Variants in ZNF512 observed in about 807,000 individuals in gnomAD.
ZNF512 encodes the protein zinc finger protein 512.
Under a neutral mutation model 77.5 loss-of-function variants are expected in ZNF512, and 25 were observed. That is an observed-to-expected ratio of 0.32 (90% CI 0.23 to 0.45). The LOEUF is 0.45. Ranked by LOEUF, ZNF512 falls within the 20% of genes least tolerant of loss-of-function variation. The pLI, the probability that ZNF512 is intolerant of heterozygous loss-of-function variation, is 1.00. For missense variants in ZNF512, 483 were observed against 692.6 expected (o/e 0.70, Z 3.40); for synonymous variants, 246 against 239.9 (o/e 1.03, Z -0.24).
In ZNF512 at chr2:27,621,550, C is replaced by A; in HGVS notation, c.*89C>A. On this transcript the variant is annotated 3_prime_UTR_variant, in exon 14 of 14. Transcript: ENST00000355467. ...TGGGAGGACTGAGTGAAGATTCTTT[C>A]AGCTGTTTGTGTAAGGCTGTGACTT... 7.3e-7 allele frequency: 1 copy of A among 1,362,122 alleles called. No individual in the cohort carries two copies. Among genetic ancestry groups the A allele is most frequent in the Non-Finnish European group, 9.8e-7 (1 of 1,023,532 alleles). The allele number at this position is 1,362,122 out of a possible 1,614,324, so 84.4% of individuals were successfully genotyped here. A position where few individuals can be genotyped will look rare whatever the true frequency, so the allele number is the denominator to read the frequency against.
At chr2:27,618,352 C>T (rs187729422) in intron 13 of ZNF512, among the ~76,000 whole-genome samples, 2 of 152,326 alleles carry the variant, frequency 1.3e-5, no homozygotes, top group East Asian at 3.9e-4. Context: ...TGTCTTCCAG[C>T]AACCCATTTT....
At chr2:27,603,591 T>TATATATATA (rs772409987) in intron 9 of ZNF512, among the ~76,000 whole-genome samples, 1 of 87,214 alleles carries the variant, frequency 1.1e-5, no homozygotes, top group Non-Finnish European at 2.3e-5. Context: ...TGTGTGTATA[T>TATATATATA]TTTTTTTTTT....
At chr2:27,589,238 C>T (rs555360683) in intron 2 of ZNF512, among the ~76,000 whole-genome samples, 170 of 152,102 alleles carry the variant, frequency 1.1e-3, no homozygotes, top group African/African-American at 3.9e-3. Context: ...ACTACATGGG[C>T]CTGTAGTTTT....
intron 5 of ZNF512, among the ~76,000 whole-genome samples, chr2:27,600,446 C>T (rs1405648128): frequency 6.6e-6 from 1 of 152,194 alleles, no homozygotes; most frequent in Non-Finnish European, 1.5e-5. Flanking sequence ...ATTCTTGAAG[C>T]AACTGGGCTT....
chr2:27,618,454 T>C (rs761008034), intron 13 of ZNF512, among the ~76,000 whole-genome samples: 3 of 152,216 alleles, frequency 2.0e-5, no homozygotes, highest in Non-Finnish European at 4.4e-5. Context: ...AATAATAGTA[T>C]TGTGTCAGTG....
chr2:27,597,012 C>G (rs183640117), intron 2 of ZNF512, among the ~76,000 whole-genome samples: 1 of 152,300 alleles, frequency 6.6e-6, no homozygotes, highest in East Asian at 1.9e-4. Flanking sequence ...TTTCATTCAA[C>G]AATATACTTT....
chr2:27,608,621 A>G (rs1202310207), intron 10 of ZNF512, among the ~76,000 whole-genome samples: 1 of 152,082 alleles, frequency 6.6e-6, no homozygotes, highest in Non-Finnish European at 1.5e-5. Context: ...ATCTATTAGA[A>G]TAGATCATAG....
intron 3 of ZNF512, among the ~76,000 whole-genome samples, chr2:27,598,615 C>T (rs12989678): frequency 0.28 from 41,072 of 146,182 alleles, 6,166 homozygotes; most frequent in East Asian, 0.49. Context: ...GGCGAAAGAG[C>T]GAGACTCCGT....
At position 27,603,174 on chromosome 2, in the gene ZNF512, ATCTCTACCATG is replaced by A; in HGVS notation, c.806_816del (p.Leu269GlnfsTer25). ...AGTAGCTTCACCAGCATCATGGGAT[ATCTCTACCATG>A]TCAGAAAATGTGGCAAAGGGGCTGC... On this transcript the variant is annotated frameshift_variant, in exon 9 of 14. Transcript: ENST00000355467. LOFTEE classifies it high-confidence loss of function. The A allele has an allele frequency of 6.2e-7, 1 of 1,614,158 alleles. No individual in the cohort carries two copies. The highest frequency in any genetic ancestry group is 8.5e-7 in the Non-Finnish European group (1 of 1,180,022).
chr2:27,591,307 C>T (rs868227617), intron 2 of ZNF512, among the ~76,000 whole-genome samples: 3 of 152,194 alleles, frequency 2.0e-5, no homozygotes, highest in Admixed American at 6.5e-5. Flanking sequence ...TGTGAAATCA[C>T]ATCATGGGGA....
chr2:27,593,237 CACACACACAA>C (rs1263951795), intron 2 of ZNF512, among the ~76,000 whole-genome samples: 79 of 146,868 alleles, frequency 5.4e-4, no homozygotes, highest in African/African-American at 1.9e-3. Context: ...CACACACACA[CACACACACAA>C]AAGAATGAGC....
At chr2:27,609,720 T>C (rs901177950) in intron 10 of ZNF512, among the ~76,000 whole-genome samples, 15 of 152,004 alleles carry the variant, frequency 9.9e-5, no homozygotes, top group African/African-American at 3.6e-4. Context: ...AATACAAAAA[T>C]TAGCTGGACG....
At position 27,583,695 on chromosome 2, in the gene ZNF512, C is replaced by G. The variant is rs1671213463; in HGVS notation, c.68C>G (p.Thr23Arg). The G allele has an allele frequency of 5.0e-6, 8 of 1,614,122 alleles. No individual in the cohort carries two copies. Among genetic ancestry groups the G allele is most frequent in the Non-Finnish European group, 6.8e-6 (8 of 1,180,026 alleles). The change falls in exon 2 of 14, where the codon ACG becomes AGG. Residue 23 changes from threonine to arginine, a missense_variant. Transcript: ENST00000355467. ...ACAACCTTTAAGCAGCAGAGGAGCACGAGGATCGTGGGAGCTAAGAAGTAA... is the reference window on the plus strand; with the variant it reads ...ACAACCTTTAAGCAGCAGAGGAGCAGGAGGATCGTGGGAGCTAAGAAGTAA... ...GPTTFKQQRS[T>R]RIVGAKNSRT...
At chr2:27,615,372 T>A in intron 11 of ZNF512, 103 bp downstream of exon 11, 1 of 678,330 alleles carries the variant, frequency 1.5e-6, no homozygotes, top group Non-Finnish European at 2.4e-6. Flanking sequence ...CTCAGTGGCT[T>A]AAAACAATTA....
intron 9 of ZNF512, among the ~76,000 whole-genome samples, chr2:27,604,501 C>T (rs900681830): frequency 2.6e-5 from 4 of 152,076 alleles, no homozygotes; most frequent in South Asian, 4.1e-4. Flanking sequence ...ATAGACTAGG[C>T]GGGGTGCCTT....
At chr2:27,607,559 G>A (rs547124555) in intron 9 of ZNF512, among the ~76,000 whole-genome samples, 25 of 151,992 alleles carry the variant, frequency 1.6e-4, no homozygotes, top group Non-Finnish European at 3.5e-4. Context: ...GTAGAGACAG[G>A]GTTTCACCAT....
intron 9 of ZNF512, among the ~76,000 whole-genome samples, chr2:27,603,935 A>G (rs1433311912): frequency 6.7e-6 from 1 of 149,684 alleles, no homozygotes; most frequent in African/African-American, 2.5e-5. Context: ...TTATGTATTT[A>G]TATATTTTTG....
intron 9 of ZNF512, among the ~76,000 whole-genome samples, chr2:27,607,199 C>T (rs951199612): frequency 1.3e-5 from 2 of 152,158 alleles, no homozygotes; most frequent in African/African-American, 4.8e-5. Context: ...AAAAAACCGT[C>T]ATACACAGGA....
chr2:27,602,164 C>T (rs1326430035), intron 7 of ZNF512, among the ~76,000 whole-genome samples: 3 of 152,138 alleles, frequency 2.0e-5, no homozygotes, highest in South Asian at 2.1e-4. Flanking sequence ...GCAAGAAGAC[C>T]GTTTTGATAA....
Sources: gnomAD v4.1 joint callset for allele counts (sites outside exome capture counted in the v4.1 genomes callset) on GRCh38, gnomAD v4.1.1 for gene constraint, MANE v1.5 for transcripts, NCBI Gene and HGNC (gene_info 2026-07-23, HGNC 2026-07-21) for gene names.